The following FHDC1 variants were observed in gnomAD, a reference collection of about 807,000 sequenced individuals.
FHDC1 encodes the protein FH2 domain-containing protein 1.
FHDC1 carries 25 observed loss-of-function variants against 52.6 expected under a neutral mutation model. That is an observed-to-expected ratio of 0.48 (90% CI 0.35 to 0.66). FHDC1 has a LOEUF of 0.66. FHDC1 is among the 30% of genes least tolerant of loss of function. FHDC1 has a pLI of 0.01. For synonymous variants in FHDC1, 616 were observed against 581.5 expected (o/e 1.06, Z -0.85); for missense variants, 1,459 against 1,452.8 (o/e 1.00, Z -0.07).
intron 2 of FHDC1, 83 bp downstream of exon 2, chr4:152,943,638 C>A (rs2149937720): frequency 7.0e-7 from 1 of 1,433,646 alleles, no homozygotes; most frequent in Non-Finnish European, 9.4e-7. Flanking sequence ...CAAATAATTG[C>A]TAGACACCCC....
intron 2 of FHDC1, among the ~76,000 whole-genome samples, chr4:152,947,846 G>A (rs548712246): frequency 1.7e-3 from 258 of 152,118 alleles, no homozygotes; most frequent in African/African-American, 5.8e-3. Context: ...AGGGAAGGAT[G>A]GAAGGAAGAT....
At chr4:152,923,775 A>C in the FHDC1 span, among the ~76,000 whole-genome samples, 1 of 152,036 alleles carries the variant, frequency 6.6e-6, no homozygotes, top group African/African-American at 2.4e-5. Context: ...CCTATGTAAT[A>C]AATGGTGCCT....
At chr4:152,966,704 T>G (rs1208549903) in intron 9 of FHDC1, among the ~76,000 whole-genome samples, 1 of 152,144 alleles carries the variant, frequency 6.6e-6, no homozygotes, top group East Asian at 1.9e-4. Flanking sequence ...TTAGGTGATC[T>G]GCCCGCCCCA....
intron 1 of FHDC1, among the ~76,000 whole-genome samples, chr4:152,941,921 C>T (rs895765682): frequency 2.6e-5 from 4 of 152,142 alleles, no homozygotes; most frequent in Non-Finnish European, 4.4e-5. Flanking sequence ...GCCTGCATGG[C>T]GTCCTTTCTA....
chr4:152,943,568 G>A lies in FHDC1; in HGVS notation c.498+13G>A, dbSNP rs754491123. 6.2e-7 allele frequency: 1 copy of A among 1,603,230 alleles called. No homozygotes were observed. The highest frequency in any genetic ancestry group is 8.5e-7 in the Non-Finnish European group (1 of 1,174,536). ...AGCTCGAGAAGAGGTAAGAATGCAA[G>A]GTGGAGGGCTAATCCTCCACACACT... On this transcript the variant is annotated intron_variant, in intron 2 of 11. Coordinates refer to ENST00000511601, the MANE Select transcript of FHDC1 (RefSeq NM_001371116.1).
chr4:152,934,123 G>C (rs893969963), upstream of FHDC1, among the ~76,000 whole-genome samples: 1 of 152,214 alleles, frequency 6.6e-6, no homozygotes, highest in African/African-American at 2.4e-5. Flanking sequence ...GCCAACAGCA[G>C]ATAAATACTT....
intron 2 of FHDC1, among the ~76,000 whole-genome samples, chr4:152,949,170 A>AAGAAGAAGAAGCAGC (rs1165422183): frequency 1.4e-5 from 2 of 142,568 alleles, no homozygotes; most frequent in Non-Finnish European, 3.1e-5. Context: ...GAAGAAGAAG[A>AAGAAGAAGAAGCAGC]AGCAGAAGAA....
chr4:152,969,086 TAAAAAAA>T (rs72178531), intron 10 of FHDC1, among the ~76,000 whole-genome samples: 1 of 137,038 alleles, frequency 7.3e-6, no homozygotes, highest in Non-Finnish European at 1.6e-5. Flanking sequence ...TCTTCCTTAT[TAAAAAAA>T]AAAAAAAAGG....
chr4:152,929,005 G>C, the FHDC1 span, among the ~76,000 whole-genome samples: 1 of 152,020 alleles, frequency 6.6e-6, no homozygotes, highest in South Asian at 2.1e-4. The surrounding 1 kb of genome is among the most constrained non-coding windows in gnomAD (Gnocchi z 4.1). Flanking sequence ...ATTTTGCTAA[G>C]GTTAAGGACA....
In FHDC1 at chr4:152,977,561, GCCTC is replaced by G. The variant is rs1208239215; in HGVS notation, c.*843_*846del. The G allele has an allele frequency of 1.3e-5, 2 of 152,072 alleles. No homozygotes were observed. Among genetic ancestry groups the G allele is most frequent in the Non-Finnish European group, 2.9e-5 (2 of 68,064 alleles). 9.4% of individuals were successfully genotyped at this position (152,072 alleles called of 1,614,324 possible). A position where few individuals can be genotyped will look rare whatever the true frequency, so the allele number is the denominator to read the frequency against. ...AGACCCAAGTGATCCTCCCACCTCA[GCCTC>G]CCTCAGAGCTGGGACTACAGGCGTG... On this transcript the variant is annotated 3_prime_UTR_variant, in exon 12 of 12. Coordinates refer to ENST00000511601, the MANE Select transcript of FHDC1 (RefSeq NM_001371116.1).
chr4:152,976,116 A>G lies in FHDC1; in HGVS notation c.2825A>G (p.Gln942Arg). The change falls in exon 12 of 12, where the codon CAG (glutamine) becomes CGG (arginine). Residue 942 changes from glutamine (Q) to arginine (R), a missense_variant. Transcript: ENST00000511601. ...PSSTDTVWSR[Q>R]NSVRRASTGA... The stretch of plus-strand genomic sequence containing the variant: ...AGCACAGATACTGTGTGGTCACGCC[A>G]GAACTCCGTGCGGAGGGCCTCCACA... The G allele has an allele frequency of 1.2e-6, 2 of 1,611,208 alleles. No individual in the cohort carries two copies. Among genetic ancestry groups the G allele is most frequent in the East Asian group, 2.2e-5 (1 of 44,832 alleles).
At chr4:152,936,729 G>A (rs1245740678) in intron 1 of FHDC1, among the ~76,000 whole-genome samples, 1 of 152,270 alleles carries the variant, frequency 6.6e-6, no homozygotes, top group African/African-American at 2.4e-5. Context: ...GAGCTGCATC[G>A]CCAAGGCTGC....
At chr4:152,969,883 A>G (rs1436649638) in intron 10 of FHDC1, among the ~76,000 whole-genome samples, 6 of 152,064 alleles carry the variant, frequency 3.9e-5, no homozygotes, top group Admixed American at 2.6e-4. Flanking sequence ...GTTAGCCAGG[A>G]TGGTCTCAAT....
At position 152,976,397 on chromosome 4, in the gene FHDC1, G is replaced by A. The variant is rs754237898; in HGVS notation, c.3106G>A (p.Ala1036Thr). Residue 1036 changes from alanine to threonine, a missense_variant, in exon 12 of 12, where the codon GCC becomes ACC. Physicochemically the swap from Ala to Thr is moderately conservative, Grantham distance 58. Coordinates refer to ENST00000511601, the MANE Select transcript of FHDC1 (RefSeq NM_001371116.1). ...CGAACTACCCCGTGTCCCGAGCTTT[G>A]CCCGGAACACAGTGGCCTCCTCCTC... Reference protein sequence around the residue: ...PHELPRVPSFARNTVASSSRS... With the variant: ...PHELPRVPSFTRNTVASSSRS... The A allele has an allele frequency of 6.2e-7, 1 of 1,613,774 alleles. No individual in the cohort carries two copies. The highest frequency in any genetic ancestry group is 1.1e-5 in the South Asian group (1 of 91,072).
At chr4:152,917,023 T>TACAG in the FHDC1 span, 5 of 152,420 alleles carry the variant, frequency 3.3e-5, no homozygotes, top group African/African-American at 9.7e-5. Context: ...GGTTTCGCCA[T>TACAG]GTTGCCCAGG....
the FHDC1 span, among the ~76,000 whole-genome samples, chr4:152,926,444 C>T: frequency 4.0e-5 from 6 of 151,564 alleles, no homozygotes; most frequent in African/African-American, 7.3e-5. Context: ...AAAAGTTACA[C>T]GAATACCAAA....
chr4:152,922,505 T>C, the FHDC1 span, among the ~76,000 whole-genome samples: 8 of 151,146 alleles, frequency 5.3e-5, no homozygotes, highest in African/African-American at 1.9e-4. Context: ...TAACTCATTT[T>C]ATGAGGCCAG....
intron 1 of FHDC1, among the ~76,000 whole-genome samples, chr4:152,939,845 C>T (rs908217952): frequency 6.6e-6 from 1 of 152,160 alleles, no homozygotes; most frequent in African/African-American, 2.4e-5. Flanking sequence ...TGAGATCTTA[C>T]ATACAGGCCT....
the FHDC1 span, chr4:152,917,011 CA>C: frequency 5.9e-5 from 9 of 152,184 alleles, no homozygotes; most frequent in African/African-American, 2.2e-4. Context: ...TTTGTAGAGA[CA>C]GGTTTCGCCA....
Sources: gnomAD v4.1 joint callset for allele counts (sites outside exome capture counted in the v4.1 genomes callset) on GRCh38, gnomAD v4.1.1 for gene constraint, Gnocchi (gnomAD v3.1) non-coding constraint, MANE v1.5 for transcripts, NCBI Gene and HGNC (gene_info 2026-07-23, HGNC 2026-07-21) for gene names.